Variants in PDE6C observed in about 807,000 individuals in gnomAD.
PDE6C encodes cone cGMP-specific 3',5'-cyclic phosphodiesterase subunit alpha'.
PDE6C carries 75 observed loss-of-function variants against 113.1 expected under a neutral mutation model. The observed-to-expected ratio is 0.66, with a 90% confidence interval of 0.55 to 0.80. The LOEUF (loss-of-function observed/expected upper bound fraction) is 0.80, where lower values mean the gene tolerates loss of function less well. Ranked by LOEUF, PDE6C falls within the 30% of genes least tolerant of loss-of-function variation. The probability of loss-of-function intolerance (pLI) is 0.00; values close to 1 mark genes in which losing one functional copy is unlikely to be tolerated. For synonymous variants in PDE6C, 375 were observed against 363.7 expected (o/e 1.03, Z -0.35); for missense variants, 912 against 1,038.6 (o/e 0.88, Z 1.67).
intron 5 of PDE6C, 49 bp downstream of exon 5, chr10:93,625,698 C>T: frequency 7.4e-7 from 1 of 1,347,550 alleles, no homozygotes; most frequent in Non-Finnish European, 1.1e-6. Flanking sequence ...GTGTCAGGTG[C>T]TAAAATTAAG....
intron 15 of PDE6C, among the ~76,000 whole-genome samples, chr10:93,653,508 G>A (rs900830412): frequency 2.6e-5 from 4 of 152,108 alleles, no homozygotes; most frequent in African/African-American, 9.7e-5. Context: ...GCTGGGCATG[G>A]TGGTGGGTGC....
chr10:93,662,199 TCA>T (rs2058668743), intron 19 of PDE6C, 66 bp downstream of exon 19: 10 of 1,010,912 alleles, frequency 9.9e-6, no homozygotes, highest in Non-Finnish European at 1.4e-5. Flanking sequence ...GCGCGGTGGC[TCA>T]CACCTGTAAT....
intron 16 of PDE6C, among the ~76,000 whole-genome samples, chr10:93,658,669 CCTCTCT>C (rs56029704): frequency 1.7e-4 from 24 of 143,810 alleles, no homozygotes; most frequent in Non-Finnish European, 3.2e-4. Context: ...TTTGTTTTTC[CCTCTCT>C]CTCTCTCTCT....
chr10:93,658,309 A>G (rs1468910636), intron 16 of PDE6C, among the ~76,000 whole-genome samples: 1 of 152,018 alleles, frequency 6.6e-6, no homozygotes, highest in Non-Finnish European at 1.5e-5. Context: ...GTGTGAGATA[A>G]TATCTTATTG....
At chr10:93,625,522 T>C (rs2058469123) in intron 4 of PDE6C, 53 bp from the exon 5 acceptor site, 3 of 1,112,108 alleles carry the variant, frequency 2.7e-6, no homozygotes, top group South Asian at 1.2e-5. Flanking sequence ...ATATAAGATA[T>C]GGTAGGTCAT....
At chr10:93,663,219 A>T in intron 21 of PDE6C, 41 bp downstream of exon 21, 1 of 1,598,226 alleles carries the variant, frequency 6.3e-7, no homozygotes, top group Non-Finnish European at 8.6e-7. Flanking sequence ...ATGTAGCCAG[A>T]AGCTAGGCTG....
intron 18 of PDE6C, among the ~76,000 whole-genome samples, chr10:93,660,124 GAT>G (rs763324469): frequency 9.9e-5 from 15 of 152,086 alleles, no homozygotes; most frequent in Non-Finnish European, 1.6e-4. Flanking sequence ...TTTTTAAAAA[GAT>G]AGAATAATTA....
chr10:93,646,022 A>G lies in PDE6C; in HGVS notation c.1910A>G (p.Tyr637Cys), dbSNP rs1448034850. 6.2e-6 allele frequency: 10 copies of G among 1,602,022 alleles called. No homozygotes were observed. Among genetic ancestry groups the G allele is most frequent in the Non-Finnish European group, 8.6e-6 (10 of 1,169,038 alleles). The part of the protein sequence containing the change: ...SSILERHHLE[Y>C]SKTLLQDESL... Reference sequence around the variant, plus strand: ...ATTTTGGAGAGGCACCACCTGGAGTACAGTAAGACTCTGTTGCAGGATGAG... The same window carrying G: ...ATTTTGGAGAGGCACCACCTGGAGTGCAGTAAGACTCTGTTGCAGGATGAG... The change falls in exon 15 of 22, where the codon TAC (tyrosine) becomes TGC (cysteine). Residue 637 changes from tyrosine (Y) to cysteine (C), a missense_variant. Physicochemically the swap from Tyr to Cys is radical, Grantham distance 194 (BLOSUM62 -2). Coordinates refer to ENST00000371447, the MANE Select transcript of PDE6C (RefSeq NM_006204.4).
chr10:93,638,601 TA>T (rs2058544917), intron 11 of PDE6C, among the ~76,000 whole-genome samples: 1 of 152,212 alleles, frequency 6.6e-6, no homozygotes, highest in Non-Finnish European at 1.5e-5. Flanking sequence ...GTAGACTTCC[TA>T]AAAAACCAGC....
At position 93,640,524 on chromosome 10, in the gene PDE6C, C is replaced by T. The variant is rs1361172883; in HGVS notation, c.1704C>T (p.Phe568=). The change falls in exon 13 of 22, where the codon TTC becomes TTT. Residue 568 remains phenylalanine (F), a synonymous_variant. Coordinates refer to ENST00000371447, the MANE Select transcript of PDE6C (RefSeq NM_006204.4). ...CTTACCACAATTGGCGGCATGGGTTCAACGTGGGGCAGACCATGTTTACTT... is the reference window on the plus strand; with the variant it reads ...CTTACCACAATTGGCGGCATGGGTTTAACGTGGGGCAGACCATGTTTACTT... The part of the protein sequence containing the change: ...AVTYHNWRHG[F]NVGQTMFTLL... 6.2e-7 allele frequency: 1 copy of T among 1,613,306 alleles called. No individual in the cohort carries two copies. The highest frequency in any genetic ancestry group is 8.5e-7 in the Non-Finnish European group (1 of 1,179,406).
intron 18 of PDE6C, among the ~76,000 whole-genome samples, chr10:93,660,917 A>C (rs76623304): frequency 6.6e-6 from 1 of 152,084 alleles, no homozygotes; most frequent in Non-Finnish European, 1.5e-5. Context: ...ATGTCTCTAC[A>C]CAGAGCTCAA....
At chr10:93,626,772 A>T (rs754903140) in intron 6 of PDE6C, 33 bp from the exon 7 acceptor site, 21 of 1,607,482 alleles carry the variant, frequency 1.3e-5, no homozygotes, top group Non-Finnish European at 1.8e-5. Context: ...ATTTCTCTAT[A>T]TTGCAATGAT....
intron 21 of PDE6C, among the ~76,000 whole-genome samples, chr10:93,664,856 T>G (rs114018563): frequency 0.014 from 2,085 of 152,192 alleles, 44 homozygotes; most frequent in African/African-American, 0.048. Flanking sequence ...TCAGATTCTG[T>G]TTTTTATTTA....
At chr10:93,658,722 C>G (rs1165431244) in intron 16 of PDE6C, among the ~76,000 whole-genome samples, 179 bp from the exon 17 acceptor site, 1 of 151,928 alleles carries the variant, frequency 6.6e-6, no homozygotes, top group Non-Finnish European at 1.5e-5. Context: ...GCCTTAAACC[C>G]TTTCTGAGCC....
intron 10 of PDE6C, 72 bp from the exon 11 acceptor site, chr10:93,636,923 G>A: frequency 1.2e-6 from 1 of 835,304 alleles, no homozygotes; most frequent in South Asian, 1.4e-5. Flanking sequence ...AACTAAGATT[G>A]TAATAGTAGA....
intron 1 of PDE6C, among the ~76,000 whole-genome samples, chr10:93,617,782 A>C (rs1475049485): frequency 6.6e-6 from 1 of 152,222 alleles, no homozygotes; most frequent in Non-Finnish European, 1.5e-5. Flanking sequence ...CTCAAAAAAA[A>C]GAAAGAAAGA....
At chr10:93,654,803 T>C (rs1386470554) in intron 15 of PDE6C, among the ~76,000 whole-genome samples, 3 of 92,640 alleles carry the variant, frequency 3.2e-5, no homozygotes, top group East Asian at 4.8e-4. Flanking sequence ...TCTTTCTTTC[T>C]TTCTTTCTTT....
At chr10:93,644,827 TATATACTATATATA>T (rs1291261927) in intron 14 of PDE6C, among the ~76,000 whole-genome samples, 15 of 143,556 alleles carry the variant, frequency 1.0e-4, no homozygotes, top group Non-Finnish European at 9.2e-5. Flanking sequence ...TAGTACTATA[TATATACTATATATA>T]GTACATATAT....
intron 1 of PDE6C, among the ~76,000 whole-genome samples, chr10:93,617,291 C>T (rs758653346): frequency 6.6e-6 from 1 of 152,200 alleles, no homozygotes; most frequent in African/African-American, 2.4e-5. Flanking sequence ...ACCCCTCCCC[C>T]ATCCCCATCC....
Sources: allele counts gnomAD v4.1 joint callset (sites outside exome capture counted in the v4.1 genomes callset), GRCh38; gene constraint gnomAD v4.1.1; transcripts MANE v1.5; gene names NCBI Gene and HGNC (gene_info 2026-07-23, HGNC 2026-07-21).